The following GALNT13 variants were observed in gnomAD, a reference collection of about 807,000 sequenced individuals.
GALNT13 encodes UDP-GalNAc:polypeptide N-acetylgalactosaminyltransferase 13.
GALNT13 carries 28 observed loss-of-function variants against 64.2 expected under a neutral mutation model. That is an observed-to-expected ratio of 0.44 (90% CI 0.32 to 0.60). The LOEUF is 0.60. Ranked by LOEUF, GALNT13 falls within the 20% of genes least tolerant of loss-of-function variation. The pLI, the probability that GALNT13 is intolerant of heterozygous loss-of-function variation, is 0.05. For synonymous variants in GALNT13, 214 were observed against 224.6 expected (o/e 0.95, Z 0.42); for missense variants, 577 against 669.8 (o/e 0.86, Z 1.53).
At chr2:153,423,767 A>G in the GALNT13 span, among the ~76,000 whole-genome samples, 12 of 151,932 alleles carry the variant, frequency 7.9e-5, no homozygotes, top group Admixed American at 3.3e-4. Flanking sequence ...TGAAAGTTAT[A>G]AAAGACCTAA....
chr2:153,360,871 C>G, the GALNT13 span, among the ~76,000 whole-genome samples: 6 of 152,164 alleles, frequency 3.9e-5, no homozygotes, highest in South Asian at 1.2e-3. Flanking sequence ...CAAGGGACAG[C>G]CAAAATGTAC....
chr2:153,966,435 G>A (rs1269350403), intron 3 of GALNT13, among the ~76,000 whole-genome samples: 2 of 150,290 alleles, frequency 1.3e-5, no homozygotes, highest in East Asian at 2.0e-4. Context: ...GCGGGATCTC[G>A]GCTCACTGCA....
At chr2:153,433,095 G>C in the GALNT13 span, among the ~76,000 whole-genome samples, 1 of 151,952 alleles carries the variant, frequency 6.6e-6, no homozygotes, top group African/African-American at 2.4e-5. Context: ...CTTACTGTAA[G>C]AGAATATGGA....
chr2:153,807,428 G>A, the GALNT13 span, among the ~76,000 whole-genome samples: 1 of 151,630 alleles, frequency 6.6e-6, no homozygotes, highest in Non-Finnish European at 1.5e-5. Context: ...CCTTTTGAAT[G>A]GCCATATGAT....
the GALNT13 span, among the ~76,000 whole-genome samples, chr2:153,622,643 A>C: frequency 1.3e-5 from 2 of 152,186 alleles, no homozygotes; most frequent in South Asian, 2.1e-4. Flanking sequence ...ATTTCAGTAA[A>C]ATACAAACAT....
the GALNT13 span, among the ~76,000 whole-genome samples, chr2:153,843,944 C>T: frequency 6.6e-6 from 1 of 152,202 alleles, no homozygotes; most frequent in Admixed American, 6.5e-5. Context: ...CAGCTGTGCC[C>T]CTGTGGCTTT....
At chr2:154,044,611 A>G (rs1303663496) in intron 3 of GALNT13, among the ~76,000 whole-genome samples, 4 of 152,248 alleles carry the variant, frequency 2.6e-5, no homozygotes, top group Admixed American at 2.6e-4. Flanking sequence ...GAGGGAGATG[A>G]TGAATATAAA....
the GALNT13 span, among the ~76,000 whole-genome samples, chr2:153,820,885 A>T: frequency 6.6e-6 from 1 of 152,160 alleles, no homozygotes; most frequent in Admixed American, 6.5e-5. Flanking sequence ...GAATATAAAC[A>T]GTCTTAACAT....
chr2:153,078,448 A>C, the GALNT13 span, among the ~76,000 whole-genome samples: 1 of 151,396 alleles, frequency 6.6e-6, no homozygotes, highest in Non-Finnish European at 1.5e-5. Context: ...AGTAGCTGGG[A>C]TTACAGGTGA....
intron 9 of GALNT13, among the ~76,000 whole-genome samples, chr2:154,312,756 CTTGT>C (rs1694116184): frequency 6.6e-6 from 1 of 151,960 alleles, no homozygotes; most frequent in Admixed American, 6.6e-5. Context: ...TGATGTTTTG[CTTGT>C]TTGTTTGATT....
intron 1 of GALNT13, among the ~76,000 whole-genome samples, chr2:153,883,606 A>G (rs1287033726): frequency 6.6e-6 from 1 of 152,142 alleles, no homozygotes; most frequent in African/African-American, 2.4e-5. Context: ...GTAGTCCAGG[A>G]AGGTGAACAA....
chr2:153,402,543 T>C, the GALNT13 span, among the ~76,000 whole-genome samples: 1 of 152,226 alleles, frequency 6.6e-6, no homozygotes, highest in Non-Finnish European at 1.5e-5. Flanking sequence ...GGTTCCATTC[T>C]CCCCATCACT....
At chr2:153,201,741 G>A in the GALNT13 span, 2 of 152,206 alleles carry the variant, frequency 1.3e-5, no homozygotes, top group African/African-American at 4.8e-5. Context: ...TTACAGAATA[G>A]TGGGCGCCCC....
At position 153,872,152 on chromosome 2, in the gene GALNT13, G is replaced by T. The variant is rs1685991578; in HGVS notation, c.-328G>T. On this transcript the variant is annotated 5_prime_UTR_variant, in exon 1 of 13. Transcript: ENST00000392825. ...GGCGGGAGCCGGGGCTGCGCGCGGC[G>T]CTCGCGGGCCGGCGCGGGTTCCAGG... is the stretch of plus-strand genomic sequence containing the variant. 3 of 151,632 alleles carry T rather than the reference G, an allele frequency of 2.0e-5. No individual in the cohort carries two copies. In the South Asian group the frequency reaches 6.2e-4, roughly 31 times the overall value. The allele number at this position is 151,632 out of a possible 1,614,324, so 9.4% of individuals were successfully genotyped here.
At chr2:153,419,751 G>T in the GALNT13 span, among the ~76,000 whole-genome samples, 1 of 152,122 alleles carries the variant, frequency 6.6e-6, no homozygotes, top group Non-Finnish European at 1.5e-5. Flanking sequence ...TCAATTTCTG[G>T]TTGTAATATT....
the GALNT13 span, among the ~76,000 whole-genome samples, chr2:153,203,893 G>T: frequency 7.2e-6 from 1 of 139,734 alleles, no homozygotes; most frequent in African/African-American, 2.6e-5. Context: ...ACACACACAC[G>T]CATACACTAA....
intron 9 of GALNT13, among the ~76,000 whole-genome samples, chr2:154,313,790 T>C (rs1694186058): frequency 6.6e-6 from 1 of 152,104 alleles, no homozygotes. Flanking sequence ...TACTACCTTC[T>C]AGGGTTCAGA....
At chr2:153,385,916 A>G in the GALNT13 span, among the ~76,000 whole-genome samples, 2 of 152,030 alleles carry the variant, frequency 1.3e-5, no homozygotes, top group Non-Finnish European at 2.9e-5. Context: ...TAGAGTAGGT[A>G]AATTGTATCC....
chr2:153,891,149 A>G (rs1687527897), intron 1 of GALNT13, among the ~76,000 whole-genome samples: 1 of 152,008 alleles, frequency 6.6e-6, no homozygotes, highest in African/African-American at 2.4e-5. Context: ...TGCTCTACAC[A>G]ATTAAGTCCT....
Sources: allele counts gnomAD v4.1 joint callset (sites outside exome capture counted in the v4.1 genomes callset), GRCh38; gene constraint gnomAD v4.1.1; transcripts MANE v1.5; gene names NCBI Gene and HGNC (gene_info 2026-07-23, HGNC 2026-07-21).